Variants in HIVEP2 observed in about 807,000 individuals in gnomAD.
HIVEP2 encodes HIVEP zinc finger 2, also known as transcription factor HIVEP2.
In HIVEP2, 14 loss-of-function variants were observed where a neutral mutation model predicts 180.7. That is an observed-to-expected ratio of 0.08 (90% CI 0.05 to 0.12). The LOEUF is 0.12. HIVEP2 is among the 10% of genes least tolerant of loss of function. The pLI is 1.00. For missense variants in HIVEP2, 2,579 were observed against 3,008.5 expected, an observed-to-expected ratio of 0.86 and a Z score of 3.34; for synonymous variants, 1,184 against 1,136.4, an observed-to-expected ratio of 1.04 and a Z score of -0.84.
chr6:142,832,234 A>C (rs1712398783), intron 2 of HIVEP2, among the ~76,000 whole-genome samples: 1 of 151,938 alleles, frequency 6.6e-6, no homozygotes, highest in South Asian at 2.1e-4. Flanking sequence ...AAACAAACAA[A>C]AAAAACCTCA....
At chr6:142,941,979 CTG>C (rs1778189164) in intron 1 of HIVEP2, among the ~76,000 whole-genome samples, 1 of 152,110 alleles carries the variant, frequency 6.6e-6, no homozygotes, top group Non-Finnish European at 1.5e-5. Flanking sequence ...GATGAGCAGC[CTG>C]TCTGATCCAC....
At chr6:142,807,801 G>A (rs1776589614) in intron 2 of HIVEP2, among the ~76,000 whole-genome samples, 1 of 152,208 alleles carries the variant, frequency 6.6e-6, no homozygotes, top group Non-Finnish European at 1.5e-5. Flanking sequence ...CCAGCTGGCA[G>A]AAAGCTGCCA....
chr6:142,877,912 G>T (rs1379892621), intron 1 of HIVEP2, among the ~76,000 whole-genome samples: 1 of 152,190 alleles, frequency 6.6e-6, no homozygotes, highest in Non-Finnish European at 1.5e-5. Context: ...TCGTGGAAAT[G>T]CAAGTGAAAG....
At chr6:142,853,783 T>C (rs1017349405) in intron 1 of HIVEP2, among the ~76,000 whole-genome samples, 2 of 152,108 alleles carry the variant, frequency 1.3e-5, no homozygotes, top group Non-Finnish European at 2.9e-5. Context: ...CTCTTGTCTT[T>C]TGTCAGGGCA....
intron 2 of HIVEP2, among the ~76,000 whole-genome samples, chr6:142,808,848 G>T (rs1233292883): frequency 1.3e-5 from 2 of 151,990 alleles, no homozygotes; most frequent in African/African-American, 2.4e-5. Flanking sequence ...ACCTCATAAC[G>T]AATCTCTCAG....
chr6:142,853,966 G>A (rs761544648), intron 1 of HIVEP2, among the ~76,000 whole-genome samples: 8 of 152,262 alleles, frequency 5.3e-5, no homozygotes, highest in Middle Eastern at 3.4e-3. Flanking sequence ...CAAGGCAACC[G>A]GGGAATTCCC....
intron 2 of HIVEP2, among the ~76,000 whole-genome samples, chr6:142,814,173 G>T (rs1369407285): frequency 6.6e-6 from 1 of 152,060 alleles, no homozygotes; most frequent in Non-Finnish European, 1.5e-5. Flanking sequence ...ATGTGCAGAA[G>T]TTCATCTAAT....
chr6:142,879,476 T>C (rs1249130412), intron 1 of HIVEP2, among the ~76,000 whole-genome samples: 1 of 152,130 alleles, frequency 6.6e-6, no homozygotes, highest in Non-Finnish European at 1.5e-5. Context: ...TCCTCCAACC[T>C]CTTGAGCCCT....
chr6:142,874,758 T>C (rs1004400813), intron 1 of HIVEP2, among the ~76,000 whole-genome samples: 5 of 152,172 alleles, frequency 3.3e-5, no homozygotes, highest in Admixed American at 6.5e-5. Context: ...ACATGGTCCA[T>C]TTATAGGACC....
At position 142,752,468 on chromosome 6, in the gene HIVEP2, T is replaced by A. The variant is rs766638894; in HGVS notation, c.*639A>T. ...GATACATCCTTTATCTTTTTTTAAC[T>A]AATGCATAAGTGCAGAATAAGATAC... On this transcript the variant is annotated 3_prime_UTR_variant, in exon 10 of 10. Transcript: ENST00000367603. The A allele has an allele frequency of 6.6e-6, 1 of 152,656 alleles. No homozygotes were observed. The highest frequency in any genetic ancestry group is 2.4e-5 in the African/African-American group (1 of 41,458). The allele number at this position is 152,656 out of a possible 1,614,324, so 9.5% of individuals were successfully genotyped here.
intron 2 of HIVEP2, among the ~76,000 whole-genome samples, chr6:142,789,046 C>A (rs957417201): frequency 2.6e-5 from 4 of 152,030 alleles, no homozygotes; most frequent in Admixed American, 2.6e-4. Context: ...ATTATATATA[C>A]TTTATTTTGT....
rs3383 is a variant in HIVEP2 at position 142,751,904 on chromosome 6, T to C, written c.*1203A>G. On this transcript the variant is annotated 3_prime_UTR_variant, in exon 10 of 10. Coordinates refer to ENST00000367603, the MANE Select transcript of HIVEP2 (RefSeq NM_006734.4). ...AAGAGCTGGGGAGCAGGTCTCCATCTCCTTTTCCCCCTTCCACACCCAACC... is the reference window on the plus strand; with the variant it reads ...AAGAGCTGGGGAGCAGGTCTCCATCCCCTTTTCCCCCTTCCACACCCAACC... The C allele has an allele frequency of 0.71, 107,923 of 152,816 alleles. 38,781 individuals are homozygous for C. Among genetic ancestry groups the C allele is most frequent in the African/African-American group, 0.84 (34,762 of 41,496 alleles). The allele number at this position is 152,816 out of a possible 1,614,324, so 9.5% of individuals were successfully genotyped here.
At chr6:142,816,873 G>GGTGTGTGTGT (rs34958624) in intron 2 of HIVEP2, among the ~76,000 whole-genome samples, 2 of 148,478 alleles carry the variant, frequency 1.3e-5, no homozygotes, top group African/African-American at 4.9e-5. Flanking sequence ...AGCACCAGAG[G>GGTGTGTGTGT]GTGTGTGTGT....
At chr6:142,780,695 T>C (rs1281468746) in intron 3 of HIVEP2, among the ~76,000 whole-genome samples, 1 of 152,202 alleles carries the variant, frequency 6.6e-6, no homozygotes, top group Non-Finnish European at 1.5e-5. Context: ...TCATAATCTA[T>C]TACTGAACAT....
intron 1 of HIVEP2, among the ~76,000 whole-genome samples, chr6:142,877,563 T>C (rs541038049): frequency 1.3e-5 from 2 of 152,294 alleles, no homozygotes; most frequent in Admixed American, 1.3e-4. Context: ...AAGTCCAAAT[T>C]GTATCTCATT....
Position 142,830,823 on chromosome 6 carries a change from G to A in HIVEP2, c.-528+6112C>T, listed in dbSNP as rs183503274. Among the ~76,000 whole-genome samples the A allele has an allele frequency of 6.6e-5, 10 of 152,152 alleles. No homozygotes were observed. In the East Asian group the frequency reaches 7.7e-4, roughly 12 times the overall value. On this transcript the variant is annotated intron_variant, in intron 2 of 9. Transcript: ENST00000367603. ...TCAAAGCCTGGGGTCATCACTGACC[G>A]CTTCCTCCTGCTACCCACCCCCAGA... is the stretch of plus-strand genomic sequence containing the variant.
intron 1 of HIVEP2, among the ~76,000 whole-genome samples, chr6:142,858,317 A>C (rs1374221031): frequency 4.0e-5 from 6 of 150,810 alleles, no homozygotes; most frequent in Admixed American, 2.6e-4. Context: ...TGCAAATGTC[A>C]CCTCCTTGCA....
chr6:142,872,312 T>C (rs912421543), intron 1 of HIVEP2, among the ~76,000 whole-genome samples: 1 of 152,208 alleles, frequency 6.6e-6, no homozygotes, highest in African/African-American at 2.4e-5. Flanking sequence ...GGATGTCCGA[T>C]GTCTGGAACA....
intron 1 of HIVEP2, among the ~76,000 whole-genome samples, chr6:142,886,339 A>G (rs1442407092): frequency 2.6e-5 from 4 of 152,216 alleles, no homozygotes; most frequent in Admixed American, 2.0e-4. Context: ...ATAACTTTTT[A>G]TATGTATAAC....
Sources: allele counts gnomAD v4.1 joint callset (sites outside exome capture counted in the v4.1 genomes callset), GRCh38; gene constraint gnomAD v4.1.1; transcripts MANE v1.5; gene names NCBI Gene and HGNC (gene_info 2026-07-23, HGNC 2026-07-21).